STIM1: variants seen among roughly 807,000 people sequenced by gnomAD.
STIM1 encodes stromal interaction molecule 1.
STIM1 carries 25 observed loss-of-function variants against 74.7 expected under a neutral mutation model. That is an observed-to-expected ratio of 0.33 (90% CI 0.24 to 0.47). STIM1 has a LOEUF of 0.47. Ranked by LOEUF, STIM1 falls within the 20% of genes least tolerant of loss-of-function variation. The pLI is 1.00. For missense variants in STIM1, 728 were observed against 920.8 expected (o/e 0.79, Z 2.71); for synonymous variants, 328 against 348.8 (o/e 0.94, Z 0.66).
intron 2 of STIM1, among the ~76,000 whole-genome samples, chr11:4,008,512 G>A (rs1464098212): frequency 1.3e-5 from 2 of 152,144 alleles, no homozygotes; most frequent in Non-Finnish European, 2.9e-5. Flanking sequence ...TGAAATAAAT[G>A]TGAGCTGTAT....
chr11:4,050,730 T>C (rs2094233270), intron 3 of STIM1, among the ~76,000 whole-genome samples: 1 of 152,214 alleles, frequency 6.6e-6, no homozygotes, highest in South Asian at 2.1e-4. Flanking sequence ...CTTGCAACTT[T>C]TGACTCCCTC....
At chr11:3,876,449 C>T (rs1257733162) in intron 1 of STIM1, among the ~76,000 whole-genome samples, 1 of 152,184 alleles carries the variant, frequency 6.6e-6, no homozygotes, top group Non-Finnish European at 1.5e-5. Context: ...TCTGTTACTC[C>T]AGCTAGAGTG....
chr11:3,870,413 C>T (rs2091037876), intron 1 of STIM1, among the ~76,000 whole-genome samples: 1 of 152,026 alleles, frequency 6.6e-6, no homozygotes. Flanking sequence ...TCCCTTTTGT[C>T]CACATTTGCA....
chr11:4,043,817 C>T (rs570281468), intron 3 of STIM1, among the ~76,000 whole-genome samples: 1 of 151,822 alleles, frequency 6.6e-6, no homozygotes, highest in African/African-American at 2.4e-5. Flanking sequence ...GAGATTGAGA[C>T]CATCCTGGCC....
At chr11:3,965,811 G>T (rs2093334710) in intron 1 of STIM1, among the ~76,000 whole-genome samples, 1 of 151,938 alleles carries the variant, frequency 6.6e-6, no homozygotes, top group African/African-American at 2.4e-5. Flanking sequence ...TTCGAGACTG[G>T]CCTGGCCAAC....
intron 2 of STIM1, among the ~76,000 whole-genome samples, chr11:4,019,363 G>A (rs997948359): frequency 6.6e-6 from 1 of 151,124 alleles, no homozygotes; most frequent in Non-Finnish European, 1.5e-5. Flanking sequence ...TATTTTATTT[G>A]TAACTGATAC....
chr11:3,910,601 C>T (rs1207131966), intron 1 of STIM1, among the ~76,000 whole-genome samples: 1 of 152,112 alleles, frequency 6.6e-6, no homozygotes, highest in Non-Finnish European at 1.5e-5. Context: ...TCTGTGGATG[C>T]ACAACACTAT....
intron 7 of STIM1, 111 bp downstream of exon 7, chr11:4,074,790 CTA>C (rs2094427901): frequency 8.0e-7 from 1 of 1,246,672 alleles, no homozygotes; most frequent in Non-Finnish European, 1.1e-6. Context: ...GATCCAAAGA[CTA>C]TGTTCTAGAG....
chr11:3,869,958 G>A (rs1036296436), intron 1 of STIM1, among the ~76,000 whole-genome samples: 1 of 152,150 alleles, frequency 6.6e-6, no homozygotes, highest in African/African-American at 2.4e-5. Flanking sequence ...TTTTGAGTGT[G>A]GGTCATGAAG....
chr11:4,051,636 T>A (rs926308440), intron 3 of STIM1, among the ~76,000 whole-genome samples: 2 of 152,036 alleles, frequency 1.3e-5, no homozygotes, highest in African/African-American at 4.8e-5. Flanking sequence ...AACCACTGCC[T>A]GGCCATAAAT....
intron 2 of STIM1, among the ~76,000 whole-genome samples, chr11:3,998,444 ATT>A (rs1406712367): frequency 6.6e-6 from 1 of 152,150 alleles, no homozygotes; most frequent in Non-Finnish European, 1.5e-5. Flanking sequence ...TTGACTAGCT[ATT>A]GTAAGCTAAG....
intron 4 of STIM1, among the ~76,000 whole-genome samples, chr11:4,057,150 C>T (rs2094295986): frequency 1.3e-5 from 2 of 152,154 alleles, no homozygotes; most frequent in Admixed American, 6.5e-5. Context: ...CCACTAAGAT[C>T]CAGGATTTAG....
chr11:4,078,096 G>A (rs993097847), intron 7 of STIM1, among the ~76,000 whole-genome samples: 2 of 152,102 alleles, frequency 1.3e-5, no homozygotes, highest in African/African-American at 4.8e-5. Context: ...TGGACAGTGT[G>A]TATAAAAAAA....
chr11:3,930,848 C>G lies in STIM1; in HGVS notation c.140-36704C>G, dbSNP rs143048164. On this transcript the variant is annotated intron_variant, in intron 1 of 12. Coordinates refer to ENST00000526596, the MANE Select transcript of STIM1 (RefSeq NM_001382567.1). ...TAGGGCCGAGCAGACAGTTTTGAAT[C>G]TCCATTTACTCCAGAATCATTTTGG... is the stretch of plus-strand genomic sequence containing the variant. Among the ~76,000 whole-genome samples, 1,129 of 152,318 alleles carry G rather than the reference C, an allele frequency of 7.4e-3. 48 individuals are homozygous for G. The highest frequency in any genetic ancestry group is 0.067 in the Admixed American group (1,024 of 15,298).
chr11:3,954,140 CTTTG>C (rs2093182922), intron 1 of STIM1, among the ~76,000 whole-genome samples: 1 of 152,174 alleles, frequency 6.6e-6, no homozygotes, highest in Non-Finnish European at 1.5e-5. Context: ...TTTGGGCTTT[CTTTG>C]TTTGGGTTGC....
chr11:4,004,538 G>T (rs11030585), intron 2 of STIM1, among the ~76,000 whole-genome samples: 34,732 of 149,252 alleles, frequency 0.23, 4,780 homozygotes, highest in South Asian at 0.43. Flanking sequence ...GCCATATGTA[G>T]AAAGCTGAAA....
chr11:3,900,463 C>T (rs1337534594), intron 1 of STIM1, among the ~76,000 whole-genome samples: 2 of 152,230 alleles, frequency 1.3e-5, no homozygotes, highest in African/African-American at 2.4e-5. Context: ...CACTGTCTGG[C>T]ACTCCCCAGT....
chr11:3,972,028 CAA>C (rs59791937), intron 2 of STIM1, among the ~76,000 whole-genome samples: 4,395 of 152,216 alleles, frequency 0.029, 180 homozygotes, highest in East Asian at 0.18. Context: ...ATGAGGCAGA[CAA>C]AGTTGGAAGG....
intron 1 of STIM1, among the ~76,000 whole-genome samples, chr11:3,964,897 T>A (rs935491269): frequency 2.6e-5 from 4 of 152,078 alleles, no homozygotes; most frequent in Non-Finnish European, 5.9e-5. Context: ...GCTAATTTTT[T>A]AAATTTTTGT....
Sources: gnomAD v4.1 joint callset for allele counts (sites outside exome capture counted in the v4.1 genomes callset) on GRCh38, gnomAD v4.1.1 for gene constraint, MANE v1.5 for transcripts, NCBI Gene and HGNC (gene_info 2026-07-23, HGNC 2026-07-21) for gene names.